The following ADGRF5 variants were observed in gnomAD, a reference collection of about 807,000 sequenced individuals.
ADGRF5 encodes adhesion G protein-coupled receptor F5, also known as G-protein coupled receptor 116.
ADGRF5 carries 75 observed loss-of-function variants against 132.3 expected under a neutral mutation model. The observed-to-expected ratio is 0.57, with a 90% CI of 0.47 to 0.69. The LOEUF (loss-of-function observed/expected upper bound fraction) is 0.69. Ranked by LOEUF, ADGRF5 falls within the 30% of genes least tolerant of loss-of-function variation. ADGRF5 has a pLI of 0.00. For synonymous variants in ADGRF5, 629 were observed against 597.6 expected (o/e 1.05, Z -0.77); for missense variants, 1,516 against 1,630.6 (o/e 0.93, Z 1.21).
rs773636484 is a variant in ADGRF5, at chr6:46,856,685, A to C, written c.3876+33T>G. On this transcript the variant is annotated intron_variant, in intron 19 of 20. Transcript: ENST00000283296. ...ATGCTAGTGGAATACATGATGTTAT[A>C]AAATGAAAAGTCTCTGCAGAGAAAA... 1.5e-5 allele frequency: 17 copies of C among 1,141,492 alleles called. No individual in the cohort carries two copies. The South Asian group carries it at 2.2e-4, about 15-fold the overall frequency. The allele number at this position is 1,141,492 out of a possible 1,614,324, so 70.7% of individuals were successfully genotyped here.
chr6:46,904,220 T>TA (rs1399577020), intron 2 of ADGRF5, among the ~76,000 whole-genome samples: 8 of 152,164 alleles, frequency 5.3e-5, no homozygotes, highest in African/African-American at 1.9e-4. Flanking sequence ...CATCACCCTT[T>TA]AAAAGCCCTT....
chr6:46,925,714 G>A (rs149188055), upstream of ADGRF5, among the ~76,000 whole-genome samples: 352 of 152,346 alleles, frequency 2.3e-3, 1 homozygote, highest in African/African-American at 7.9e-3. Context: ...CCAAGATTGC[G>A]CCATTGCATT....
At chr6:46,888,145 C>T in intron 4 of ADGRF5, 190 bp downstream of exon 4, 1 of 525,922 alleles carries the variant, frequency 1.9e-6, no homozygotes. Context: ...AAATAAGAAA[C>T]CTCTGGCTGC....
chr6:46,949,346 T>C (rs2113844708), intron 1 of ADGRF5, among the ~76,000 whole-genome samples: 1 of 152,314 alleles, frequency 6.6e-6, no homozygotes. Context: ...GGATAAAGTA[T>C]TAACAGAAAG....
intron 16 of ADGRF5, among the ~76,000 whole-genome samples, chr6:46,859,998 C>T (rs1346484228): frequency 6.6e-6 from 1 of 152,126 alleles, no homozygotes; most frequent in East Asian, 1.9e-4. Flanking sequence ...AGGAGAATTG[C>T]TTGGACCTGG....
chr6:46,897,951 A>G (rs554075963), intron 3 of ADGRF5, among the ~76,000 whole-genome samples: 4 of 152,308 alleles, frequency 2.6e-5, no homozygotes, highest in East Asian at 1.9e-4. Flanking sequence ...AGGCCAATCC[A>G]TCTTCTGCAG....
intron 16 of ADGRF5, among the ~76,000 whole-genome samples, chr6:46,860,437 C>T (rs537943126): frequency 6.6e-6 from 1 of 152,286 alleles, no homozygotes; most frequent in African/African-American, 2.4e-5. Flanking sequence ...TTCTGAAAAC[C>T]TTTAATTCCT....
rs771327437 is a variant in ADGRF5, at chr6:46,867,116, C to T, written c.1643G>A (p.Arg548Lys). The change falls in exon 13 of 21, where the codon AGA becomes AAA. Residue 548 changes from arginine (R) to lysine (K), a missense_variant. Transcript: ENST00000283296. Reference sequence around the variant, plus strand: ...TGCAATACTGTATGAATTCTTATATCTAAATATGCAGTGATAGGTTCCTGA... The same window carrying T: ...TGCAATACTGTATGAATTCTTATATTTAAATATGCAGTGATAGGTTCCTGA... ...EWNGTYHCIF[R>K]YKNSYSIATK... The T allele has an allele frequency of 2.5e-6, 4 of 1,608,284 alleles. No homozygotes were observed. Among genetic ancestry groups the T allele is most frequent in the South Asian group, 1.1e-5 (1 of 90,914 alleles).
intron 1 of ADGRF5, among the ~76,000 whole-genome samples, chr6:46,945,585 A>G (rs1166870499): frequency 6.6e-6 from 1 of 152,242 alleles, no homozygotes; most frequent in Non-Finnish European, 1.5e-5. Flanking sequence ...ACTGTAAAAC[A>G]GGCTTGGGAC....
chr6:46,906,878 A>G (rs1392736226), intron 1 of ADGRF5, 92 bp from the exon 2 acceptor site: 7 of 688,304 alleles, frequency 1.0e-5, no homozygotes, highest in Non-Finnish European at 1.6e-5. Flanking sequence ...AGGTCATCCT[A>G]CACAAGAACT....
chr6:46,865,075 A>C lies in ADGRF5; in HGVS notation c.1957T>G (p.Trp653Gly), dbSNP rs764534166. The C allele has an allele frequency of 6.2e-7, 1 of 1,611,444 alleles. No homozygotes were observed. The highest frequency in any genetic ancestry group is 8.5e-7 in the Non-Finnish European group (1 of 1,177,842). Reference protein sequence around the residue: ...HFTNAANNSVWSPSMKLNLVP... With the variant: ...HFTNAANNSVGSPSMKLNLVP... ...AGATTCAGCTTCATAGATGGGCTCC[A>C]GACTGAATTATTAGCAGCATTGGTA... is the stretch of plus-strand genomic sequence containing the variant. Residue 653 changes from tryptophan (W) to glycine (G), a missense_variant, in exon 14 of 21, where the codon TGG becomes GGG. By Grantham distance (184) the Trp-to-Gly change is radical. Transcript: ENST00000283296.
chr6:46,903,414 T>C (rs1774980055), intron 2 of ADGRF5: 1 of 152,230 alleles, frequency 6.6e-6, no homozygotes, highest in African/African-American at 2.4e-5. Flanking sequence ...AGGTCACCAA[T>C]TCCAGGAAGT....
rs10655432 is a variant in ADGRF5 at position 46,897,145 on chromosome 6, TACAC to T, written c.157+2880_157+2883del. Among the ~76,000 whole-genome samples the T allele has an allele frequency of 4.6e-3, 651 of 141,852 alleles. 3 individuals are homozygous for T. The highest frequency in any genetic ancestry group is 0.018 in the Middle Eastern group (5 of 282). 93.1% of individuals were successfully genotyped at this position (141,852 alleles called of 152,430 possible). On this transcript the variant is annotated intron_variant, in intron 3 of 20. Coordinates refer to ENST00000283296, the MANE Select transcript of ADGRF5 (RefSeq NM_001098518.2). Reference sequence around the variant, plus strand: ...ACACAGACATATGCATGCATATATATACACACACACACACACACACACACACACA... The same window carrying T: ...ACACAGACATATGCATGCATATATATACACACACACACACACACACACACA...
At chr6:46,855,184 A>AT (rs1768898223) in intron 20 of ADGRF5, among the ~76,000 whole-genome samples, 1 of 152,174 alleles carries the variant, frequency 6.6e-6, no homozygotes, top group African/African-American at 2.4e-5. Context: ...TTAACTGTGA[A>AT]TATTTTTTTT....
chr6:46,919,792 A>G (rs1011691949), intron 1 of ADGRF5, among the ~76,000 whole-genome samples: 15 of 152,238 alleles, frequency 9.9e-5, no homozygotes, highest in Admixed American at 8.5e-4. Context: ...GGGGTGGAGA[A>G]ACCCTGTAAA....
At position 46,867,097 on chromosome 6, in the gene ADGRF5, A is replaced by T. The variant is rs1331276939; in HGVS notation, c.1662T>A (p.Ser554Arg). The T allele has an allele frequency of 1.9e-6, 3 of 1,612,902 alleles. No homozygotes were observed. The South Asian group carries it at 3.3e-5, about 18-fold the overall frequency. ...GAACAATGACGTCTTTGGTTGCAAT[A>T]CTGTATGAATTCTTATATCTAAATA... Reference protein sequence around the residue: ...HCIFRYKNSYSIATKDVIVHP... With the variant: ...HCIFRYKNSYRIATKDVIVHP... The change falls in exon 13 of 21, where the codon AGT becomes AGA. Residue 554 changes from serine (S) to arginine (R), a missense_variant. Ser to Arg is a moderately radical substitution (Grantham distance 110, BLOSUM62 -1). Coordinates refer to ENST00000283296, the MANE Select transcript of ADGRF5 (RefSeq NM_001098518.2).
chr6:46,953,955 G>A (rs533734021), intron 1 of ADGRF5, among the ~76,000 whole-genome samples: 1 of 151,756 alleles, frequency 6.6e-6, no homozygotes, highest in African/African-American at 2.4e-5. Context: ...AAAAACATAA[G>A]ATGACAAAAA....
chr6:46,866,067 T>A (rs1483851130), intron 13 of ADGRF5, among the ~76,000 whole-genome samples: 1 of 152,212 alleles, frequency 6.6e-6, no homozygotes, highest in Non-Finnish European at 1.5e-5. Context: ...GGGATCTGGA[T>A]TAAGGGCACC....
At chr6:46,902,981 C>T (rs1025791577) in intron 2 of ADGRF5, among the ~76,000 whole-genome samples, 2 of 152,156 alleles carry the variant, frequency 1.3e-5, no homozygotes, top group Non-Finnish European at 2.9e-5. Context: ...AGATGTCATT[C>T]ACTCCCTCGA....
Sources: allele counts gnomAD v4.1 joint callset (sites outside exome capture counted in the v4.1 genomes callset), GRCh38; gene constraint gnomAD v4.1.1; transcripts MANE v1.5; gene names NCBI Gene and HGNC (gene_info 2026-07-23, HGNC 2026-07-21).